GRB2: variants seen among roughly 807,000 people sequenced by gnomAD.
The protein encoded by GRB2 is growth factor receptor bound protein 2.
A neutral mutation model predicts 27.4 loss-of-function variants in GRB2; 2 were observed. That is an observed-to-expected ratio of 0.07 (90% confidence interval 0.03 to 0.23). The LOEUF (loss-of-function observed/expected upper bound fraction) is 0.23. Among genes scored for constraint, GRB2 ranks in the 10% least tolerant of loss-of-function variants. The probability of loss-of-function intolerance (pLI) is 1.00; values close to 1 mark genes in which losing one functional copy is unlikely to be tolerated. For synonymous variants in GRB2, 94 were observed against 99.6 expected (o/e 0.94, Z 0.33); for missense variants, 102 against 282.4 (o/e 0.36, Z 4.58).
In GRB2 at chr17:75,341,640, A is replaced by G. The variant is rs183469911; in HGVS notation, c.79-8843T>C. On this transcript the variant is annotated intron_variant, in intron 2 of 5. Transcript: ENST00000316804. Reference sequence around the variant, plus strand: ...GAGGAGGACAAAGTCCCCAAACTCCAACTTTCCACGGTAAAAATCATTCAT... The same window carrying G: ...GAGGAGGACAAAGTCCCCAAACTCCGACTTTCCACGGTAAAAATCATTCAT... Among the ~76,000 whole-genome samples the G allele has an allele frequency of 9.2e-4, 140 of 152,154 alleles. 1 individual carries two copies. The highest frequency in any genetic ancestry group is 3.2e-3 in the African/African-American group (132 of 41,530).
chr17:75,371,845 T>G (rs1490096829), intron 2 of GRB2: 4 of 152,056 alleles, frequency 2.6e-5, no homozygotes, highest in African/African-American at 9.7e-5. Context: ...CCATTATTTC[T>G]GACATTACTG....
At chr17:75,398,718 T>A (rs192972836) in intron 1 of GRB2, among the ~76,000 whole-genome samples, 1 of 152,268 alleles carries the variant, frequency 6.6e-6, no homozygotes, top group Admixed American at 6.5e-5. Context: ...TTTGGTGAGT[T>A]CTTTGGTAAT....
At chr17:75,351,875 A>C (rs1258446050) in intron 2 of GRB2, among the ~76,000 whole-genome samples, 1 of 152,182 alleles carries the variant, frequency 6.6e-6, no homozygotes, top group Non-Finnish European at 1.5e-5. Context: ...TGAAAATTCT[A>C]AGTAGTACAC....
intron 2 of GRB2, among the ~76,000 whole-genome samples, chr17:75,351,063 G>C (rs962040937): frequency 6.6e-6 from 1 of 152,152 alleles, no homozygotes; most frequent in South Asian, 2.1e-4. Flanking sequence ...ACGGCTCTGA[G>C]GGGACAAAGA....
chr17:75,341,460 A>C (rs1368828963), intron 2 of GRB2, among the ~76,000 whole-genome samples: 7 of 151,156 alleles, frequency 4.6e-5, no homozygotes, highest in South Asian at 2.1e-4. Flanking sequence ...AAAAAAAAAA[A>C]AAAAAAAAAC....
At chr17:75,341,487 G>C (rs984204535) in intron 2 of GRB2, among the ~76,000 whole-genome samples, 1 of 148,586 alleles carries the variant, frequency 6.7e-6, no homozygotes, top group Admixed American at 6.7e-5. Context: ...GAAAAACAAA[G>C]GGTATTTGTT....
At chr17:75,353,485 G>T (rs372842661) in intron 2 of GRB2, among the ~76,000 whole-genome samples, 4 of 151,306 alleles carry the variant, frequency 2.6e-5, no homozygotes, top group Admixed American at 6.6e-5. Context: ...CATTTTTACC[G>T]GGCGCGGTGG....
rs577443976 is a variant in GRB2 at position 75,359,546 on chromosome 17, TG to T, written c.79-26750del. Among the ~76,000 whole-genome samples, 23 of 151,818 alleles carry T rather than the reference TG, an allele frequency of 1.5e-4. No individual in the cohort carries two copies. The East Asian group carries it at 4.4e-3, about 29-fold the overall frequency. ...ATAAATAATAATAATAATTTCAGAT[TG>T]GTGTGAGTAAGCACAGCACTGAACA... On this transcript the variant is annotated intron_variant, in intron 2 of 5. Transcript: ENST00000316804.
At chr17:75,321,507 G>T in intron 5 of GRB2, 152 bp downstream of exon 5, 2 of 666,296 alleles carry the variant, frequency 3.0e-6, no homozygotes, top group Non-Finnish European at 5.2e-6. Flanking sequence ...GTGAATGGAG[G>T]GTAACATTTT....
chr17:75,320,839 G>T lies in GRB2; in HGVS notation c.469-286C>A, dbSNP rs1205624436. Among the ~76,000 whole-genome samples the T allele has an allele frequency of 6.6e-6, 1 of 152,148 alleles. No individual in the cohort carries two copies. Among genetic ancestry groups the T allele is most frequent in the Non-Finnish European group, 1.5e-5 (1 of 68,048 alleles). On this transcript the variant is annotated intron_variant, in intron 5 of 5. Transcript: ENST00000316804. This position sits in a 1 kb window ranked among gnomAD's most constrained non-coding sequence, Gnocchi z 4.3. ...ATCAAGTAGAGGGCAGGCAGTGCTTGGAGGAGAAAGTTCTTCAGAAACAGC... is the reference window on the plus strand; with the variant it reads ...ATCAAGTAGAGGGCAGGCAGTGCTTTGAGGAGAAAGTTCTTCAGAAACAGC...
rs563796855 is a variant in GRB2 at position 75,319,331 on chromosome 17, A to C, written c.*1037T>G. 6 of 142,748 alleles carry C rather than the reference A, an allele frequency of 4.2e-5. No individual in the cohort carries two copies. Among genetic ancestry groups the C allele is most frequent in the South Asian group, 4.6e-4 (2 of 4,370 alleles). 8.8% of individuals were successfully genotyped at this position (142,748 alleles called of 1,614,324 possible). A position where few individuals can be genotyped will look rare whatever the true frequency, so the allele number is the denominator to read the frequency against. The stretch of plus-strand genomic sequence containing the variant: ...CAAAACAAATTAAAAAAAAAAAAAA[A>C]ACACCACTCAGAAGCAACCCTTGAA... On this transcript the variant is annotated 3_prime_UTR_variant, in exon 6 of 6. Transcript: ENST00000316804.
At chr17:75,387,160 A>T (rs936947648) in intron 2 of GRB2, among the ~76,000 whole-genome samples, 6 of 151,544 alleles carry the variant, frequency 4.0e-5, no homozygotes, top group South Asian at 2.1e-4. Flanking sequence ...GCGAGACTCC[A>T]TCTCAAAAAA....
chr17:75,364,856 C>G (rs927081433), intron 2 of GRB2, among the ~76,000 whole-genome samples: 1 of 151,464 alleles, frequency 6.6e-6, no homozygotes, highest in African/African-American at 2.4e-5. Flanking sequence ...CCCAGCCAAG[C>G]AGAAAAAGGC....
intron 2 of GRB2, among the ~76,000 whole-genome samples, chr17:75,376,882 T>C (rs745975121): frequency 1.6e-4 from 24 of 151,794 alleles, no homozygotes; most frequent in Non-Finnish European, 3.2e-4. Context: ...TAGTTGGGCA[T>C]GGTGGTGGAT....
chr17:75,389,254 G>A (rs1024245542), intron 2 of GRB2, among the ~76,000 whole-genome samples: 2 of 151,560 alleles, frequency 1.3e-5, no homozygotes, highest in African/African-American at 2.4e-5. Flanking sequence ...ACAAGCACAA[G>A]TTTCGTCTCC....
chr17:75,401,451 C>CAAAA (rs71161209), intron 1 of GRB2, among the ~76,000 whole-genome samples: 10 of 79,040 alleles, frequency 1.3e-4, no homozygotes, highest in Non-Finnish European at 1.8e-4. Flanking sequence ...GACTCCGTCT[C>CAAAA]AAAAAAAAAA....
chr17:75,318,463 C>T lies in GRB2; in HGVS notation c.*1905G>A, dbSNP rs1330010576. The T allele has an allele frequency of 6.6e-6, 1 of 152,198 alleles. No homozygotes were observed. The highest frequency in any genetic ancestry group is 1.5e-5 in the Non-Finnish European group (1 of 68,082). 9.4% of individuals were successfully genotyped at this position (152,198 alleles called of 1,614,324 possible). On this transcript the variant is annotated 3_prime_UTR_variant, in exon 6 of 6. Transcript: ENST00000316804. ...ATCGGCCGCTTTGGGACTGAAAGGCCCAAGGCTGTCACCAGCTCCCGGAAG... is the reference window on the plus strand; with the variant it reads ...ATCGGCCGCTTTGGGACTGAAAGGCTCAAGGCTGTCACCAGCTCCCGGAAG...
In GRB2 at chr17:75,378,219, G is replaced by A. The variant is rs576162186; in HGVS notation, c.78+15332C>T. On this transcript the variant is annotated intron_variant, in intron 2 of 5. Coordinates refer to ENST00000316804, the MANE Select transcript of GRB2 (RefSeq NM_002086.5). ...AGCCTGACCAACATGGTGAAACACC[G>A]TCTCTACTAAAAATACAAAAATGAG... Among the ~76,000 whole-genome samples the A allele has an allele frequency of 1.8e-4, 28 of 152,142 alleles. No homozygotes were observed. In the South Asian group the frequency reaches 4.1e-3, roughly 23 times the overall value.
intron 4 of GRB2, among the ~76,000 whole-genome samples, chr17:75,324,507 G>GTTTTTTTTTTTTTTTTTTTTTTTTTT (rs767194304): frequency 2.7e-5 from 1 of 36,704 alleles, no homozygotes; most frequent in African/African-American, 8.2e-5. Flanking sequence ...ACCGCACCCA[G>GTTTTTTTTTTTTTTTTTTTTTTTTTT]TTTTTTTTTT....
Sources: allele counts gnomAD v4.1 joint callset (sites outside exome capture counted in the v4.1 genomes callset), GRCh38; gene constraint gnomAD v4.1.1; non-coding constraint Gnocchi (gnomAD v3.1); transcripts MANE v1.5; gene names NCBI Gene and HGNC (gene_info 2026-07-23, HGNC 2026-07-21).